Variants in RUSC2 observed in about 807,000 individuals in gnomAD.
RUSC2 encodes AP-4 complex accessory subunit RUSC2.
In RUSC2, 34 loss-of-function variants were observed where a neutral mutation model predicts 122.2. The observed-to-expected ratio is 0.28, with a 90% CI of 0.21 to 0.37. The LOEUF is 0.37. RUSC2 is among the 10% of genes least tolerant of loss of function. RUSC2 has a pLI of 1.00. For synonymous variants in RUSC2, 784 were observed against 790.0 expected (o/e 0.99, Z 0.13); for missense variants, 1,747 against 1,952.4 (o/e 0.89, Z 1.98).
intron 1 of RUSC2, among the ~76,000 whole-genome samples, chr9:35,492,149 T>A (rs748978855): frequency 1.3e-5 from 2 of 152,170 alleles, no homozygotes; most frequent in Non-Finnish European, 2.9e-5. Flanking sequence ...ATTTTTCTCC[T>A]CACCTCCAAT....
intron 1 of RUSC2, among the ~76,000 whole-genome samples, chr9:35,511,389 C>G (rs1474166657): frequency 2.0e-5 from 3 of 152,124 alleles, no homozygotes. Context: ...ATGAAGGAAA[C>G]TCATACTTGA....
At chr9:35,553,738 G>C (rs895422362) in intron 2 of RUSC2, among the ~76,000 whole-genome samples, 1 of 152,202 alleles carries the variant, frequency 6.6e-6, no homozygotes, top group African/African-American at 2.4e-5. Flanking sequence ...AGAATGCAGA[G>C]TCTGTGTAAG....
Position 35,520,582 on chromosome 9 carries a change from G to C in RUSC2, c.-92-25848G>C, listed in dbSNP as rs185195877. On this transcript the variant is annotated intron_variant, in intron 1 of 11. Coordinates refer to ENST00000361226, the MANE Select transcript of RUSC2 (RefSeq NM_014806.5). ...TGCTTCAGTCCACTGCCTGTGGGGT[G>C]GGGGAGCAGAGTACACTTTGATTTT... 3.0e-3 allele frequency among the ~76,000 whole-genome samples: 452 copies of C among 152,274 alleles called. 4 individuals are homozygous for C. The highest frequency in any genetic ancestry group is 0.01 in the African/African-American group (424 of 41,550).
Position 35,509,245 on chromosome 9 carries a change from T to TGAGCCC in RUSC2, c.-93+19074_-93+19079dup, listed in dbSNP as rs1279744066. Among the ~76,000 whole-genome samples the TGAGCCC allele has an allele frequency of 1.2e-4, 18 of 152,304 alleles. No homozygotes were observed. The East Asian group carries it at 3.1e-3, about 26-fold the overall frequency. On this transcript the variant is annotated intron_variant, in intron 1 of 11. Transcript: ENST00000361226. ...AGGATGCTGAGGCAGGAGGATCACT[T>TGAGCCC]GAGCCCCGGAGGCACACCACCTTGT...
At position 35,539,449 on chromosome 9, in the gene RUSC2, T is replaced by G. The variant is rs186851530; in HGVS notation, c.-92-6981T>G. Among the ~76,000 whole-genome samples, 9 of 152,158 alleles carry G rather than the reference T, an allele frequency of 5.9e-5. No individual in the cohort carries two copies. The East Asian group carries it at 1.4e-3, about 23-fold the overall frequency. ...GGGAGTCAGATCTAGAAACAAAGGC[T>G]TAATAGGAGGAGACACCCCTACAGC... is the stretch of plus-strand genomic sequence containing the variant. On this transcript the variant is annotated intron_variant, in intron 1 of 11. Coordinates refer to ENST00000361226, the MANE Select transcript of RUSC2 (RefSeq NM_014806.5).
Position 35,561,882 on chromosome 9 carries a change from G to T in RUSC2, c.*500G>T, listed in dbSNP as rs954770491. On this transcript the variant is annotated 3_prime_UTR_variant, in exon 12 of 12. Coordinates refer to ENST00000361226, the MANE Select transcript of RUSC2 (RefSeq NM_014806.5). Reference sequence around the variant, plus strand: ...TATTATACCTATTAATAAAAAAGGTGCTCAGCCTCCAAACCATTTTCTCTT... The same window carrying T: ...TATTATACCTATTAATAAAAAAGGTTCTCAGCCTCCAAACCATTTTCTCTT... The T allele has an allele frequency of 2.3e-5, 16 of 709,176 alleles. No individual in the cohort carries two copies. The Admixed American group carries it at 3.4e-4, about 15-fold the overall frequency. The allele number at this position is 709,176 out of a possible 1,614,324, so 43.9% of individuals were successfully genotyped here.
chr9:35,561,643 C>A lies in RUSC2; in HGVS notation c.*261C>A, dbSNP rs1393345451. 1.8e-6 allele frequency: 1 copy of A among 560,098 alleles called. No individual in the cohort carries two copies. The highest frequency in any genetic ancestry group is 3.2e-5 in the Admixed American group (1 of 30,878). The allele number at this position is 560,098 out of a possible 1,614,324, so 34.7% of individuals were successfully genotyped here. On this transcript the variant is annotated 3_prime_UTR_variant, in exon 12 of 12. Transcript: ENST00000361226. ...ATTCCCCTGGCCCGTCTGGGCCAAC[C>A]CTTCCATGGGTGAAGACAAGCAAGT...
intron 1 of RUSC2, among the ~76,000 whole-genome samples, chr9:35,519,701 G>C (rs1209229171): frequency 6.6e-6 from 1 of 152,198 alleles, no homozygotes; most frequent in Non-Finnish European, 1.5e-5. Flanking sequence ...GGACAGGAGA[G>C]AGGAAAGAGC....
chr9:35,537,360 G>C (rs1295124960), intron 1 of RUSC2, among the ~76,000 whole-genome samples: 1 of 152,226 alleles, frequency 6.6e-6, no homozygotes, highest in Admixed American at 6.5e-5. Flanking sequence ...ACCCCGCTTT[G>C]TGGTATCAGC....
At position 35,560,533 on chromosome 9, in the gene RUSC2, G is replaced by A. The variant is rs1457761407; in HGVS notation, c.3893G>A (p.Ser1298Asn). Reference sequence around the variant, plus strand: ...AGGTTCCCTCGTGGTAGCAGCAACAGCAGCAGCGAGAAAAAGAAAGGGGCA... The same window carrying A: ...AGGTTCCCTCGTGGTAGCAGCAACAACAGCAGCGAGAAAAAGAAAGGGGCA... ...GSRFPRGSSN[S>N]SSEKKKGAGG... Residue 1298 changes from serine (S) to asparagine (N), a missense_variant, in exon 10 of 12, where the codon AGC (serine) becomes AAC (asparagine). Ser to Asn is a conservative substitution (Grantham distance 46, BLOSUM62 1). Coordinates refer to ENST00000361226, the MANE Select transcript of RUSC2 (RefSeq NM_014806.5). The A allele has an allele frequency of 7.4e-6, 12 of 1,614,198 alleles. No homozygotes were observed. Among genetic ancestry groups the A allele is most frequent in the Non-Finnish European group, 1.0e-5 (12 of 1,180,022 alleles).
intron 1 of RUSC2, among the ~76,000 whole-genome samples, chr9:35,502,726 A>G (rs1305527756): frequency 1.3e-5 from 2 of 152,184 alleles, no homozygotes; most frequent in African/African-American, 4.8e-5. Flanking sequence ...TAAGAAATCT[A>G]TGTTTGAATG....
intron 1 of RUSC2, among the ~76,000 whole-genome samples, chr9:35,507,325 C>T (rs1820933642): frequency 6.6e-6 from 1 of 152,090 alleles, no homozygotes; most frequent in South Asian, 2.1e-4. Flanking sequence ...TAGTGAATTC[C>T]ATTCACTTGT....
rs79307673 is a variant in RUSC2, at chr9:35,509,587, G to A, written c.-93+19415G>A. The stretch of plus-strand genomic sequence containing the variant: ...TTACAGGGGGACAAAGAACAAAGCC[G>A]TGAAGAAAAGTTAAAGAATTTGAGG... On this transcript the variant is annotated intron_variant, in intron 1 of 11. Coordinates refer to ENST00000361226, the MANE Select transcript of RUSC2 (RefSeq NM_014806.5). Among the ~76,000 whole-genome samples, 65 of 152,282 alleles carry A rather than the reference G, an allele frequency of 4.3e-4. No homozygotes were observed. The East Asian group carries it at 9.1e-3, about 21-fold the overall frequency.
At chr9:35,507,590 G>T in intron 1 of RUSC2, 1 of 221,124 alleles carries the variant, frequency 4.5e-6, no homozygotes, top group Non-Finnish European at 9.5e-6. Flanking sequence ...AAACCCACCA[G>T]ACTTTCTGTA....
intron 1 of RUSC2, among the ~76,000 whole-genome samples, chr9:35,545,704 G>T (rs1164521159): frequency 6.6e-6 from 1 of 152,068 alleles, no homozygotes; most frequent in Non-Finnish European, 1.5e-5. Context: ...CATAAAACTA[G>T]GTCCCCCCAC....
Position 35,561,487 on chromosome 9 carries a change from T to C in RUSC2, c.*105T>C. ...CTTGGCTGCAGAGTAGACTGAGAGCTGGGGCCACGTATCCCTGTGCTGGCA... is the reference window on the plus strand; with the variant it reads ...CTTGGCTGCAGAGTAGACTGAGAGCCGGGGCCACGTATCCCTGTGCTGGCA... On this transcript the variant is annotated 3_prime_UTR_variant, in exon 12 of 12. Coordinates refer to ENST00000361226, the MANE Select transcript of RUSC2 (RefSeq NM_014806.5). 1 of 902,222 alleles carries C rather than the reference T, an allele frequency of 1.1e-6. No homozygotes were observed. The highest frequency in any genetic ancestry group is 1.7e-6 in the Non-Finnish European group (1 of 586,202). 55.9% of individuals were successfully genotyped at this position (902,222 alleles called of 1,614,324 possible). A position where few individuals can be genotyped will look rare whatever the true frequency, so the allele number is the denominator to read the frequency against.
intron 1 of RUSC2, among the ~76,000 whole-genome samples, chr9:35,499,984 G>C (rs1820791726): frequency 6.6e-6 from 1 of 152,136 alleles, no homozygotes; most frequent in Non-Finnish European, 1.5e-5. Context: ...TAAAGATACA[G>C]TCAAACTTTG....
intron 2 of RUSC2, among the ~76,000 whole-genome samples, chr9:35,554,794 G>C (rs1821972437): frequency 6.6e-6 from 1 of 151,070 alleles, no homozygotes; most frequent in Non-Finnish European, 1.5e-5. Context: ...CAAGAGTTGA[G>C]CCTTAAGATA....
chr9:35,491,597 G>C lies in RUSC2; in HGVS notation c.-93+1425G>C, dbSNP rs191672322. 7.2e-5 allele frequency among the ~76,000 whole-genome samples: 11 copies of C among 152,266 alleles called. No homozygotes were observed. In the East Asian group the frequency reaches 2.1e-3, roughly 29 times the overall value. On this transcript the variant is annotated intron_variant, in intron 1 of 11. Transcript: ENST00000361226. ...CTGGACATGTTCTCATTCATCCATT[G>C]CTAGTTTTGATGTATCCTTTTCCGC...
Sources: allele counts gnomAD v4.1 joint callset (sites outside exome capture counted in the v4.1 genomes callset), GRCh38; gene constraint gnomAD v4.1.1; transcripts MANE v1.5; gene names NCBI Gene and HGNC (gene_info 2026-07-23, HGNC 2026-07-21).